MORF4L1: variants seen among roughly 807,000 people sequenced by gnomAD.
The protein encoded by MORF4L1 is mortality factor 4 like 1.
Under a neutral mutation model 52.9 loss-of-function variants are expected in MORF4L1, and 4 were observed. The ratio of observed to expected loss-of-function variants is 0.08; its 90% CI spans 0.04 to 0.17. MORF4L1 has a LOEUF of 0.17. MORF4L1 is among the 10% of genes least tolerant of loss of function. MORF4L1 has a pLI of 1.00. For synonymous variants in MORF4L1, 123 were observed against 134.8 expected (o/e 0.91, Z 0.61); for missense variants, 214 against 390.4 (o/e 0.55, Z 3.81).
chr15:78,883,902 G>A (rs945882866), intron 3 of MORF4L1, among the ~76,000 whole-genome samples: 1 of 152,124 alleles, frequency 6.6e-6, no homozygotes, highest in Non-Finnish European at 1.5e-5. Context: ...TCACATTACC[G>A]TTAGAAAACT....
chr15:78,884,485 C>A (rs912124083), intron 3 of MORF4L1, among the ~76,000 whole-genome samples: 2 of 151,062 alleles, frequency 1.3e-5, no homozygotes, highest in African/African-American at 4.9e-5. Flanking sequence ...ACTAAAAATA[C>A]AAAATTAGCT....
At chr15:78,874,197 A>T (rs1237376203) in intron 1 of MORF4L1, among the ~76,000 whole-genome samples, 1 of 152,256 alleles carries the variant, frequency 6.6e-6, no homozygotes. Flanking sequence ...TTTCATTGCT[A>T]TGGAAATTTA....
chr15:78,883,224 A>T (rs1023861325), intron 3 of MORF4L1, among the ~76,000 whole-genome samples: 2 of 151,958 alleles, frequency 1.3e-5, no homozygotes, highest in Admixed American at 6.6e-5. Context: ...AAAAAAAAAA[A>T]AAGCGATTGA....
At chr15:78,882,867 C>T (rs1360328159) in intron 3 of MORF4L1, among the ~76,000 whole-genome samples, 1 of 152,028 alleles carries the variant, frequency 6.6e-6, no homozygotes, top group Non-Finnish European at 1.5e-5. Flanking sequence ...TTGAGGCCAG[C>T]CTGGGCAACA....
chr15:78,894,574 A>G (rs2056854077), intron 10 of MORF4L1: 1 of 456,388 alleles, frequency 2.2e-6, no homozygotes, highest in Non-Finnish European at 4.0e-6. Context: ...CATCTGTGGT[A>G]ATTTTTGTAT....
rs60811430 is a variant in MORF4L1 at position 78,877,113 on chromosome 15, ATTTTTTTTT to A, written c.41-1081_41-1073del. Among the ~76,000 whole-genome samples the A allele has an allele frequency of 4.3e-4, 26 of 60,952 alleles. No individual in the cohort carries two copies. In the South Asian group the frequency reaches 7.1e-3, roughly 17 times the overall value. The allele number at this position is 60,952 out of a possible 152,430, so 40.0% of individuals were successfully genotyped here. On this transcript the variant is annotated intron_variant, in intron 1 of 11. Coordinates refer to ENST00000426013, the MANE Select transcript of MORF4L1 (RefSeq NM_006791.4). ...AGGTGCACATCACCACGCCCGGCTG[ATTTTTTTTT>A]TTTTTTTTTTTTTTTTTTGAGAGGG...
intron 4 of MORF4L1, among the ~76,000 whole-genome samples, 152 bp from the exon 5 acceptor site, chr15:78,887,116 GT>G (rs2056719715): frequency 6.6e-6 from 1 of 152,096 alleles, no homozygotes; most frequent in Non-Finnish European, 1.5e-5. Context: ...TTTCTTGAGT[GT>G]TTTGTTTGAT....
chr15:78,895,100 A>G (rs1317230277), intron 11 of MORF4L1, among the ~76,000 whole-genome samples, 196 bp downstream of exon 11: 1 of 152,254 alleles, frequency 6.6e-6, no homozygotes, highest in East Asian at 1.9e-4. Context: ...ATATTGGTGC[A>G]GTAGGGGAAA....
intron 1 of MORF4L1, chr15:78,873,282 G>A: frequency 3.5e-6 from 5 of 1,416,162 alleles, no homozygotes; most frequent in Middle Eastern, 5.0e-4. Context: ...GAGTGGGAGA[G>A]AGAGCGTTTG....
intron 3 of MORF4L1, 53 bp downstream of exon 3, chr15:78,880,632 A>G (rs2056584348): frequency 2.2e-6 from 3 of 1,339,884 alleles, no homozygotes; most frequent in Non-Finnish European, 3.1e-6. Flanking sequence ...AGCTTGTGTC[A>G]CTGACTGGCT....
At chr15:78,896,309 T>C (rs1275910103) in intron 11 of MORF4L1, among the ~76,000 whole-genome samples, 1 of 20,944 alleles carries the variant, frequency 4.8e-5, no homozygotes, top group Non-Finnish European at 7.2e-5. Context: ...TTTTCTTTTC[T>C]TTTTTTTTTT....
chr15:78,888,244 G>A (rs1458693986), intron 5 of MORF4L1, among the ~76,000 whole-genome samples: 1 of 151,996 alleles, frequency 6.6e-6, no homozygotes, highest in Non-Finnish European at 1.5e-5. Flanking sequence ...GCAGGAGAAT[G>A]GTTTGAGCCC....
chr15:78,886,921 G>A (rs1456863244), intron 4 of MORF4L1, among the ~76,000 whole-genome samples: 3 of 147,992 alleles, frequency 2.0e-5, no homozygotes, highest in Non-Finnish European at 4.4e-5. Context: ...CGCCACTGCA[G>A]TGTAGCCTGG....
chr15:78,876,678 A>G (rs1213913826), intron 1 of MORF4L1: 2 of 421,840 alleles, frequency 4.7e-6, no homozygotes, highest in South Asian at 1.6e-5. Flanking sequence ...GTTTATTAGC[A>G]GTATAGTTTA....
intron 2 of MORF4L1, among the ~76,000 whole-genome samples, chr15:78,878,798 TAAAA>T (rs754996997): frequency 6.6e-5 from 10 of 151,974 alleles, no homozygotes; most frequent in Non-Finnish European, 1.3e-4. Context: ...CATTCCAAAG[TAAAA>T]AAAAGTTTCA....
At chr15:78,894,580 T>C (rs976024896) in intron 10 of MORF4L1, 9 of 463,334 alleles carry the variant, frequency 1.9e-5, no homozygotes, top group Non-Finnish European at 3.5e-5. Flanking sequence ...TGGTAATTTT[T>C]GTATTTTCTG....
intron 9 of MORF4L1, 98 bp from the exon 10 acceptor site, chr15:78,893,960 T>C (rs370454978): frequency 3.3e-6 from 4 of 1,219,038 alleles, no homozygotes; most frequent in Non-Finnish European, 4.6e-6. Flanking sequence ...TGGTTCATTA[T>C]TACTAGCTCA....
Position 78,878,325 on chromosome 15 carries a change from A to T in MORF4L1, c.87+66A>T, listed in dbSNP as rs192586913. 9.5e-4 allele frequency: 1,378 copies of T among 1,449,682 alleles called. 2 individuals are homozygous for T. The highest frequency in any genetic ancestry group is 1.2e-3 in the Middle Eastern group (5 of 4,064). The allele number at this position is 1,449,682 out of a possible 1,614,324, so 89.8% of individuals were successfully genotyped here. A position where few individuals can be genotyped will look rare whatever the true frequency, so the allele number is the denominator to read the frequency against. Reference sequence around the variant, plus strand: ...CTGGTTAGATCTGGCCATTTAATATACAAGTACAGTATTTTGTTGTTGCCT... The same window carrying T: ...CTGGTTAGATCTGGCCATTTAATATTCAAGTACAGTATTTTGTTGTTGCCT... On this transcript the variant is annotated intron_variant, in intron 2 of 11. Transcript: ENST00000426013.
At chr15:78,894,346 T>C (rs914019898) in intron 10 of MORF4L1, 116 bp downstream of exon 10, 2 of 769,778 alleles carry the variant, frequency 2.6e-6, no homozygotes, top group African/African-American at 1.8e-5. Context: ...TTTGAACTTT[T>C]ATCTAGAATG....
Sources: allele counts gnomAD v4.1 joint callset (sites outside exome capture counted in the v4.1 genomes callset), GRCh38; gene constraint gnomAD v4.1.1; transcripts MANE v1.5; gene names NCBI Gene and HGNC (gene_info 2026-07-23, HGNC 2026-07-21).